Variants in ATAD2 observed in about 807,000 individuals in gnomAD.
ATAD2 encodes the protein ATPase family AAA domain containing 2, also known as ATPase family AAA domain-containing protein 2.
ATAD2 carries 62 observed loss-of-function variants against 168.9 expected under a neutral mutation model. The observed-to-expected ratio is 0.37, with a 90% CI of 0.30 to 0.45. ATAD2 has a LOEUF of 0.45. Among genes scored for constraint, ATAD2 ranks in the 20% least tolerant of loss-of-function variants. The pLI is 1.00. For missense variants in ATAD2, 1,419 were observed against 1,667.8 expected (o/e 0.85, Z 2.60); for synonymous variants, 613 against 571.6 (o/e 1.07, Z -1.03).
chr8:123,405,246 C>T (rs1427445637), intron 1 of ATAD2, among the ~76,000 whole-genome samples: 1 of 141,102 alleles, frequency 7.1e-6, no homozygotes, highest in Non-Finnish European at 1.5e-5. Context: ...TTTTCTTTTT[C>T]ATTTTCTTTC....
chr8:123,391,836 C>T (rs879812135), intron 1 of ATAD2, among the ~76,000 whole-genome samples: 2 of 152,082 alleles, frequency 1.3e-5, no homozygotes, highest in Non-Finnish European at 2.9e-5. Context: ...TAAAGACCAC[C>T]GATTTATTTT....
In ATAD2 at chr8:123,371,010, A is replaced by T; in HGVS notation, c.640-20T>A. On this transcript the variant is annotated intron_variant, in intron 5 of 27. Transcript: ENST00000287394. The stretch of plus-strand genomic sequence containing the variant: ...ATTGCTCTAAAAATGTTTAAATAAA[A>T]GCCATTAACATTTGGAATCTATTTA... The T allele has an allele frequency of 6.7e-7, 1 of 1,503,084 alleles. No individual in the cohort carries two copies. The highest frequency in any genetic ancestry group is 1.2e-5 in the South Asian group (1 of 81,796). 93.1% of individuals were successfully genotyped at this position (1,503,084 alleles called of 1,614,324 possible).
chr8:123,406,399 A>AAT (rs386413880), intron 1 of ATAD2, among the ~76,000 whole-genome samples: 1 of 150,778 alleles, frequency 6.6e-6, no homozygotes, highest in African/African-American at 2.5e-5. Flanking sequence ...AAAAAAAAAA[A>AAT]ATAGTTTTAA....
upstream of ATAD2, chr8:123,401,034 GCCGGTGGGCATCGTCA>G: frequency 6.4e-7 from 1 of 1,568,980 alleles, no homozygotes; most frequent in Non-Finnish European, 8.7e-7. Context: ...TGGGCAGCAA[GCCGGTGGGCATCGTCA>G]CTTCCCGAGA....
upstream of ATAD2, among the ~76,000 whole-genome samples, chr8:123,397,339 CG>C (rs1812903195): frequency 6.6e-6 from 1 of 150,776 alleles, no homozygotes; most frequent in South Asian, 2.1e-4. Flanking sequence ...ACTTTTTATA[CG>C]TATCTCGGAA....
chr8:123,331,004 C>T (rs1827760327), intron 24 of ATAD2, among the ~76,000 whole-genome samples: 1 of 152,148 alleles, frequency 6.6e-6, no homozygotes, highest in Admixed American at 6.5e-5. Flanking sequence ...CTCACTGCAA[C>T]CTCTGCCCCA....
At chr8:123,398,231 T>A (rs1812945177), upstream of ATAD2, among the ~76,000 whole-genome samples, 1 of 145,360 alleles carries the variant, frequency 6.9e-6, no homozygotes, top group African/African-American at 2.6e-5. Flanking sequence ...TTGTTCTTTT[T>A]TTTTTTTTTT....
intron 24 of ATAD2, among the ~76,000 whole-genome samples, chr8:123,332,785 C>T (rs1827807843): frequency 6.6e-6 from 1 of 151,952 alleles, no homozygotes. Context: ...TTTTGGTGGA[C>T]ACAAAATATG....
At chr8:123,411,481 A>T (rs937050355) in intron 1 of ATAD2, among the ~76,000 whole-genome samples, 1 of 152,160 alleles carries the variant, frequency 6.6e-6, no homozygotes, top group African/African-American at 2.4e-5. Flanking sequence ...GCCGACTAAG[A>T]ATCCGTAAGC....
chr8:123,414,012 G>C (rs1813201969), intron 1 of ATAD2, among the ~76,000 whole-genome samples: 1 of 149,916 alleles, frequency 6.7e-6, no homozygotes, highest in Non-Finnish European at 1.5e-5. Flanking sequence ...ATTTAGCTGG[G>C]GTGGTGGGGG....
At position 123,328,288 on chromosome 8, in the gene ATAD2, T is replaced by C. The variant is rs201102067; in HGVS notation, c.3770A>G (p.Lys1257Arg). 6 of 1,600,702 alleles carry C rather than the reference T, an allele frequency of 3.7e-6. No homozygotes were observed. Among genetic ancestry groups the C allele is most frequent in the South Asian group, 1.2e-5 (1 of 86,380 alleles). Reference protein sequence around the residue: ...NIENELEDSRKTTACTELRDK... With the variant: ...NIENELEDSRRTTACTELRDK... ...TCTCAATTCTGTACATGCTGTAGTC[T>C]TCCTAGAGTCTTCAAGCTCATTCTC... is the stretch of plus-strand genomic sequence containing the variant. Residue 1257 changes from lysine to arginine, a missense_variant, in exon 25 of 28, where the codon AAG becomes AGG. Lys to Arg is a conservative substitution (Grantham distance 26, BLOSUM62 2). Around this residue, in one of 5 missense-constraint regions of ATAD2, gnomAD observed 303 missense variants for 304.3 expected, o/e 1.00. Coordinates refer to ENST00000287394, the MANE Select transcript of ATAD2 (RefSeq NM_014109.4).
chr8:123,334,695 T>C (rs906021641), intron 22 of ATAD2, among the ~76,000 whole-genome samples: 28 of 152,226 alleles, frequency 1.8e-4, no homozygotes. Context: ...AAGAGATTTA[T>C]AGAGGTTGTT....
intron 12 of ATAD2, 122 bp downstream of exon 12, chr8:123,357,438 AAG>A (rs1456858579): frequency 9.4e-6 from 9 of 959,234 alleles, no homozygotes; most frequent in Non-Finnish European, 4.3e-6. Flanking sequence ...ATAATCTAGA[AAG>A]AAATAGTCTA....
At chr8:123,401,004 C>T (rs1011079355), upstream of ATAD2, 208 of 1,492,886 alleles carry the variant, frequency 1.4e-4, no homozygotes, top group Non-Finnish European at 8.8e-5. Flanking sequence ...CTGGTATCCC[C>T]ATCACTGAGA....
chr8:123,328,901 T>C (rs964458223), intron 24 of ATAD2, among the ~76,000 whole-genome samples: 8 of 149,294 alleles, frequency 5.4e-5, no homozygotes, highest in Non-Finnish European at 8.9e-5. Context: ...CCCGGGTTCA[T>C]GCCATTCTCT....
intron 13 of ATAD2, among the ~76,000 whole-genome samples, chr8:123,349,796 G>T (rs1828388724): frequency 6.6e-6 from 1 of 151,800 alleles, no homozygotes; most frequent in African/African-American, 2.4e-5. Context: ...CCCAGAACTT[G>T]GGGGCTGAGG....
intron 27 of ATAD2, 95 bp downstream of exon 27, chr8:123,322,843 T>C (rs1476332566): frequency 7.5e-7 from 1 of 1,328,072 alleles, no homozygotes; most frequent in Non-Finnish European, 1.0e-6. Flanking sequence ...ATCAGTTTCT[T>C]ACACAGATTA....
chr8:123,353,200 C>T (rs55646501), intron 13 of ATAD2, among the ~76,000 whole-genome samples: 5,870 of 152,054 alleles, frequency 0.039, 392 homozygotes, highest in African/African-American at 0.13. Flanking sequence ...CCCGTCTCTA[C>T]TAAAAGTTCA....
At position 123,392,447 on chromosome 8, in the gene ATAD2, A is replaced by G. The variant is rs1044132689; in HGVS notation, c.171+3740T>C. Among the ~76,000 whole-genome samples, 9 of 152,084 alleles carry G rather than the reference A, an allele frequency of 5.9e-5. No individual in the cohort carries two copies. In the East Asian group the frequency reaches 9.6e-4, roughly 16 times the overall value. On this transcript the variant is annotated intron_variant, in intron 1 of 27. Coordinates refer to ENST00000287394, the MANE Select transcript of ATAD2 (RefSeq NM_014109.4). Reference sequence around the variant, plus strand: ...TTGAATCATAGTCACACAGCTTACTATAAGGTGAATTTGGGCAATTTATTT... The same window carrying G: ...TTGAATCATAGTCACACAGCTTACTGTAAGGTGAATTTGGGCAATTTATTT...
Sources: allele counts gnomAD v4.1 joint callset (sites outside exome capture counted in the v4.1 genomes callset), GRCh38; gene constraint gnomAD v4.1.1; regional missense constraint gnomAD v4.1.1; transcripts MANE v1.5; gene names NCBI Gene and HGNC (gene_info 2026-07-23, HGNC 2026-07-21).